KLHL32: variants seen among roughly 807,000 people sequenced by gnomAD.
The protein encoded by KLHL32 is kelch like family member 32.
In KLHL32, 35 loss-of-function variants were observed where a neutral mutation model predicts 64.8. That is an observed-to-expected ratio of 0.54 (90% CI 0.41 to 0.72). KLHL32 has a LOEUF of 0.72. Ranked by LOEUF, KLHL32 falls within the 30% of genes least tolerant of loss-of-function variation. KLHL32 has a pLI of 0.00. For missense variants in KLHL32, 589 were observed against 768.5 expected, an observed-to-expected ratio of 0.77 and a Z score of 2.76; for synonymous variants, 259 against 281.0, an observed-to-expected ratio of 0.92 and a Z score of 0.78.
intron 1 of KLHL32, among the ~76,000 whole-genome samples, chr6:96,953,505 C>T (rs1456623218): frequency 6.6e-6 from 1 of 152,036 alleles, no homozygotes; most frequent in African/African-American, 2.4e-5. Flanking sequence ...TGGCACATAA[C>T]TGTAATCCAA....
chr6:97,081,235 TAG>T (rs1792462079), intron 5 of KLHL32, among the ~76,000 whole-genome samples: 2 of 152,130 alleles, frequency 1.3e-5, no homozygotes, highest in Admixed American at 6.5e-5. Flanking sequence ...AAAGCAGGGT[TAG>T]CAGGCTTATG....
At chr6:96,970,212 C>T (rs531071128) in intron 2 of KLHL32, among the ~76,000 whole-genome samples, 2 of 152,280 alleles carry the variant, frequency 1.3e-5, no homozygotes, top group Non-Finnish European at 2.9e-5. Context: ...CCCAGTCTCC[C>T]CTACTGCTCT....
intron 6 of KLHL32, among the ~76,000 whole-genome samples, chr6:97,095,885 CTG>C (rs975322343): frequency 2.6e-5 from 4 of 152,156 alleles, no homozygotes; most frequent in African/African-American, 9.7e-5. Context: ...AACAAAAACT[CTG>C]AGATTTTGCA....
chr6:96,901,816 A>T, the KLHL32 span, among the ~76,000 whole-genome samples: 2 of 152,260 alleles, frequency 1.3e-5, no homozygotes, highest in African/African-American at 4.8e-5. Flanking sequence ...GCTCCCACTT[A>T]TAAGTGAGAA....
At chr6:97,053,664 G>A (rs1787316805) in intron 4 of KLHL32, among the ~76,000 whole-genome samples, 1 of 151,794 alleles carries the variant, frequency 6.6e-6, no homozygotes, top group African/African-American at 2.4e-5. Flanking sequence ...AAGATTTTGT[G>A]ATTGTAATTT....
chr6:97,008,784 C>G (rs1013113538), intron 3 of KLHL32, among the ~76,000 whole-genome samples: 6 of 152,266 alleles, frequency 3.9e-5, no homozygotes, highest in African/African-American at 1.4e-4. Context: ...AGCCTGGCCT[C>G]TATGTCTTCC....
chr6:97,064,979 G>A (rs1300886349), intron 5 of KLHL32, among the ~76,000 whole-genome samples: 2 of 152,142 alleles, frequency 1.3e-5, no homozygotes, highest in African/African-American at 2.4e-5. Context: ...TTGAGCAGCC[G>A]ATCAACTCAG....
chr6:97,012,657 A>C (rs1330298691), intron 3 of KLHL32, among the ~76,000 whole-genome samples: 1 of 152,186 alleles, frequency 6.6e-6, no homozygotes, highest in South Asian at 2.1e-4. Context: ...ATTTTTGTGA[A>C]TTTTCAGATG....
intron 1 of KLHL32, among the ~76,000 whole-genome samples, chr6:96,934,107 G>A (rs112701919): frequency 1.7e-3 from 255 of 152,208 alleles, no homozygotes; most frequent in Non-Finnish European, 3.1e-3. Context: ...CTTTTGACTG[G>A]GCATTGTAGG....
chr6:97,069,902 A>G (rs960054232), intron 5 of KLHL32, among the ~76,000 whole-genome samples: 1 of 152,054 alleles, frequency 6.6e-6, no homozygotes, highest in Admixed American at 6.6e-5. Context: ...TAATACTACA[A>G]TGACTTATAG....
chr6:97,063,606 G>T (rs546820413), intron 4 of KLHL32, among the ~76,000 whole-genome samples: 1 of 152,210 alleles, frequency 6.6e-6, no homozygotes, highest in East Asian at 1.9e-4. Context: ...TGAAGTAGTA[G>T]AGTGGAGGGG....
intron 3 of KLHL32, among the ~76,000 whole-genome samples, chr6:97,014,271 G>A (rs550632656): frequency 5.3e-5 from 8 of 151,460 alleles, no homozygotes; most frequent in African/African-American, 1.7e-4. Context: ...CTCCAACCTG[G>A]GTGACAGAGC....
intron 3 of KLHL32, among the ~76,000 whole-genome samples, chr6:97,013,925 T>A (rs1780747999): frequency 6.6e-6 from 1 of 152,190 alleles, no homozygotes; most frequent in South Asian, 2.1e-4. Context: ...AAGTTTAAAC[T>A]GAAAAATTAA....
chr6:97,073,023 C>T (rs1186790538), intron 5 of KLHL32, among the ~76,000 whole-genome samples: 1 of 152,192 alleles, frequency 6.6e-6, no homozygotes, highest in East Asian at 1.9e-4. Flanking sequence ...ATAGTGCATG[C>T]AAAGTATCTT....
intron 5 of KLHL32, among the ~76,000 whole-genome samples, chr6:97,082,175 T>C (rs965313817): frequency 6.6e-6 from 1 of 152,048 alleles, no homozygotes; most frequent in Admixed American, 6.6e-5. Context: ...CAAGAAATAC[T>C]AAAGAGGAAA....
At position 97,060,631 on chromosome 6, in the gene KLHL32, T is replaced by C. The variant is rs112822235; in HGVS notation, c.313-3997T>C. On this transcript the variant is annotated intron_variant, in intron 4 of 10. Transcript: ENST00000369261. Reference sequence around the variant, plus strand: ...CCCAGTCTTATTGCAGTTTAGAGGGTCTTCATTGGAGATCATGCAAATTCT... The same window carrying C: ...CCCAGTCTTATTGCAGTTTAGAGGGCCTTCATTGGAGATCATGCAAATTCT... Among the ~76,000 whole-genome samples, 1,380 of 152,144 alleles carry C rather than the reference T, an allele frequency of 9.1e-3. 22 individuals carry two copies. The highest frequency in any genetic ancestry group is 0.03 in the African/African-American group (1,262 of 41,504).
chr6:97,063,699 T>G (rs1420303573), intron 4 of KLHL32, among the ~76,000 whole-genome samples: 2 of 152,190 alleles, frequency 1.3e-5, no homozygotes, highest in African/African-American at 4.8e-5. Flanking sequence ...TGAAACTTAC[T>G]GATTCAGTAT....
chr6:97,066,462 T>C (rs1490911064), intron 5 of KLHL32, among the ~76,000 whole-genome samples: 1 of 152,222 alleles, frequency 6.6e-6, no homozygotes, highest in Non-Finnish European at 1.5e-5. Flanking sequence ...TGCATTTCAT[T>C]ATTGTGCTGA....
intron 4 of KLHL32, among the ~76,000 whole-genome samples, chr6:97,063,318 T>C (rs1002050897): frequency 6.6e-6 from 1 of 152,184 alleles, no homozygotes; most frequent in African/African-American, 2.4e-5. Flanking sequence ...GGATTCGATA[T>C]AAGGCCTAAG....
Sources: gnomAD v4.1 joint callset for allele counts (sites outside exome capture counted in the v4.1 genomes callset) on GRCh38, gnomAD v4.1.1 for gene constraint, MANE v1.5 for transcripts, NCBI Gene and HGNC (gene_info 2026-07-23, HGNC 2026-07-21) for gene names.